ATP8B3: variants seen among roughly 807,000 people sequenced by gnomAD.
ATP8B3 encodes the protein ATPase phospholipid transporting 8B3.
ATP8B3 carries 141 observed loss-of-function variants against 140.9 expected under a neutral mutation model. The observed-to-expected ratio is 1.00, with a 90% confidence interval of 0.87 to 1.15. The LOEUF (loss-of-function observed/expected upper bound fraction) is 1.15, where lower values mean the gene tolerates loss of function less well. ATP8B3 is among the 50% of genes most tolerant of loss of function. ATP8B3 has a pLI of 0.00. For missense variants in ATP8B3, 1,874 were observed against 1,740.6 expected (o/e 1.08, Z -1.36); for synonymous variants, 765 against 714.6 (o/e 1.07, Z -1.13).
intron 10 of ATP8B3, among the ~76,000 whole-genome samples, chr19:1,803,083 A>C (rs1024838236): frequency 2.6e-5 from 4 of 152,150 alleles, no homozygotes; most frequent in Non-Finnish European, 5.9e-5. Context: ...ATGTGTCAAG[A>C]GGGAAGAGGA....
rs1413443156 is a variant in ATP8B3, at chr19:1,807,161, C to T, written c.615+7G>A. 2.5e-6 allele frequency: 4 copies of T among 1,610,768 alleles called. No individual in the cohort carries two copies. Among genetic ancestry groups the T allele is most frequent in the East Asian group, 2.2e-5 (1 of 44,830 alleles). On this transcript the variant is annotated splice_region_variant and intron_variant, in intron 6 of 28. Transcript: ENST00000310127. This position sits in a 1 kb window ranked among gnomAD's most constrained non-coding sequence, Gnocchi z 5.9. ...TCCCCCAGGCAGCTGCATCCAACAG[C>T]ACTCACCATGTCGTCCACCAGGTCC... is the stretch of plus-strand genomic sequence containing the variant.
chr19:1,792,167 T>C (rs776026091), intron 18 of ATP8B3, 32 bp from the exon 19 acceptor site: 1 of 1,539,460 alleles, frequency 6.5e-7, no homozygotes, highest in African/African-American at 1.4e-5. Context: ...GCTGTCACCA[T>C]GCTGAAGCCG....
rs1020188951 is a variant in ATP8B3, at chr19:1,807,545, C to T, written c.517-279G>A. 2.0e-5 allele frequency among the ~76,000 whole-genome samples: 3 copies of T among 152,206 alleles called. No individual in the cohort carries two copies. Among genetic ancestry groups the T allele is most frequent in the Non-Finnish European group, 2.9e-5 (2 of 68,034 alleles). ...ACGGTGCCTTCTCCAGGGAGCCTCC[C>T]CCAGCCCCAAGCTTGGCCGCCACTG... is the stretch of plus-strand genomic sequence containing the variant. On this transcript the variant is annotated intron_variant, in intron 5 of 28. Coordinates refer to ENST00000310127, the MANE Select transcript of ATP8B3 (RefSeq NM_138813.4). This position sits in a 1 kb window ranked among gnomAD's most constrained non-coding sequence, Gnocchi z 5.9.
rs1453309895 is a variant in ATP8B3, at chr19:1,811,793, G to T, written c.-57C>A. ...GAAGAGGGGTTTAGGCTGTGGGACG[G>T]GGGAGAGGTGGGGGAGACCCCCGTG... is the stretch of plus-strand genomic sequence containing the variant. On this transcript the variant is annotated 5_prime_UTR_variant, in exon 2 of 29. Coordinates refer to ENST00000310127, the MANE Select transcript of ATP8B3 (RefSeq NM_138813.4). 4.6e-6 allele frequency: 7 copies of T among 1,508,290 alleles called. No individual in the cohort carries two copies. The highest frequency in any genetic ancestry group is 4.1e-5 in the African/African-American group (3 of 72,558). The allele number at this position is 1,508,290 out of a possible 1,614,324, so 93.4% of individuals were successfully genotyped here.
chr19:1,791,754 C>T lies in ATP8B3; in HGVS notation c.2298G>A (p.Lys766=), dbSNP rs1385660986. 1 of 1,610,334 alleles carries T rather than the reference C, an allele frequency of 6.2e-7. No homozygotes were observed. The highest frequency in any genetic ancestry group is 1.7e-5 in the Admixed American group (1 of 60,012). Reference sequence around the variant, plus strand: ...CCGGAGCTGCCCGGGACTCACCCTGCTTGTCCCCGGTGAGCACCCATATTT... The same window carrying T: ...CCGGAGCTGCCCGGGACTCACCCTGTTTGTCCCCGGTGAGCACCCATATTT... ...NIKIWVLTGD[K]QETAVNIGFA... The change falls in exon 20 of 29, where the codon AAG becomes AAA. Residue 766 remains lysine, a synonymous_variant. Transcript: ENST00000310127.
chr19:1,801,674 C>T (rs912130022), intron 12 of ATP8B3, among the ~76,000 whole-genome samples: 2 of 152,118 alleles, frequency 1.3e-5, no homozygotes, highest in African/African-American at 4.8e-5. Flanking sequence ...CTTGCTTGAA[C>T]CCGGGAGGCA....
Position 1,805,775 on chromosome 19 carries a change from C to G in ATP8B3, c.821+113G>C, listed in dbSNP as rs773386718. On this transcript the variant is annotated intron_variant, in intron 9 of 28. Coordinates refer to ENST00000310127, the MANE Select transcript of ATP8B3 (RefSeq NM_138813.4). This position sits in a 1 kb window ranked among gnomAD's most constrained non-coding sequence, Gnocchi z 5.2. Reference sequence around the variant, plus strand: ...CCCCAGACACTCATGGGGTGAGTGACCAAAGTCTCTGAGCGACCTTGGCTG... The same window carrying G: ...CCCCAGACACTCATGGGGTGAGTGAGCAAAGTCTCTGAGCGACCTTGGCTG... 2 of 1,347,214 alleles carry G rather than the reference C, an allele frequency of 1.5e-6. No individual in the cohort carries two copies. Among genetic ancestry groups the G allele is most frequent in the Non-Finnish European group, 2.1e-6 (2 of 966,542 alleles). The allele number at this position is 1,347,214 out of a possible 1,614,324, so 83.5% of individuals were successfully genotyped here.
At position 1,811,611 on chromosome 19, in the gene ATP8B3, G is replaced by A; in HGVS notation, c.126C>T (p.Gly42=). 6.2e-7 allele frequency: 1 copy of A among 1,612,054 alleles called. No individual in the cohort carries two copies. Among genetic ancestry groups the A allele is most frequent in the Non-Finnish European group, 8.5e-7 (1 of 1,179,810 alleles). The change falls in exon 2 of 29, where the codon GGC becomes GGT. Residue 42 remains glycine, a synonymous_variant. Coordinates refer to ENST00000310127, the MANE Select transcript of ATP8B3 (RefSeq NM_138813.4). ...TGATCACCGTCTCACCTCCGCGGAT[G>A]CCAGCAGGACCTGAGCCTTCCTGAG... ...DVTQEGSGPA[G]IRGGETVIRA...
chr19:1,806,709 A>G lies in ATP8B3; in HGVS notation c.616-20T>C. The G allele has an allele frequency of 1.3e-6, 2 of 1,556,170 alleles. No individual in the cohort carries two copies. The highest frequency in any genetic ancestry group is 1.7e-6 in the Non-Finnish European group (2 of 1,150,318). ...TCTCCCCTGGGCCAGGAGGGAAAGGATCAGAGAGACCGTCCAGCCTCTCCT... is the reference window on the plus strand; with the variant it reads ...TCTCCCCTGGGCCAGGAGGGAAAGGGTCAGAGAGACCGTCCAGCCTCTCCT... On this transcript the variant is annotated intron_variant, in intron 6 of 28. Transcript: ENST00000310127. This position sits in a 1 kb window ranked among gnomAD's most constrained non-coding sequence, Gnocchi z 5.6.
rs183040287 is a variant in ATP8B3 at position 1,790,872 on chromosome 19, C to T, written c.2303-40G>A. On this transcript the variant is annotated intron_variant, in intron 20 of 28. Transcript: ENST00000310127. ...AGCTCAGCGCCTCTGCGACCCGCCC[C>T]GCACTGGCTGCCTGGGGGCCACGCC... The T allele has an allele frequency of 4.7e-4, 734 of 1,549,090 alleles. 5 individuals carry two copies. In the African/African-American group the frequency reaches 8.9e-3, roughly 19 times the overall value.
At position 1,787,762 on chromosome 19, in the gene ATP8B3, C is replaced by G. The variant is rs376282958; in HGVS notation, c.3070-576G>C. Reference sequence around the variant, plus strand: ...AAAAAAAAAAAAAAAAAAAAAAAAACGCTGGGTGCGATTGCTCATGCCTGT... The same window carrying G: ...AAAAAAAAAAAAAAAAAAAAAAAAAGGCTGGGTGCGATTGCTCATGCCTGT... On this transcript the variant is annotated intron_variant, in intron 24 of 28. Transcript: ENST00000310127. Among the ~76,000 whole-genome samples the G allele has an allele frequency of 7.4e-3, 816 of 109,962 alleles. 17 individuals carry two copies. The highest frequency in any genetic ancestry group is 0.027 in the African/African-American group (755 of 27,666). 72.1% of individuals were successfully genotyped at this position (109,962 alleles called of 152,430 possible). A position where few individuals can be genotyped will look rare whatever the true frequency, so the allele number is the denominator to read the frequency against.
Position 1,790,008 on chromosome 19 carries a change from A to T in ATP8B3, c.2379-19T>A. The T allele has an allele frequency of 2.7e-6, 4 of 1,458,124 alleles. No homozygotes were observed. The highest frequency in any genetic ancestry group is 3.8e-6 in the Non-Finnish European group (4 of 1,040,614). 90.3% of individuals were successfully genotyped at this position (1,458,124 alleles called of 1,614,324 possible). On this transcript the variant is annotated intron_variant, in intron 21 of 28. Coordinates refer to ENST00000310127, the MANE Select transcript of ATP8B3 (RefSeq NM_138813.4). ...GATGCGGCTGCGGGGCGCAGGGGTC[A>T]GCGGGGCAGGGGAGGGGGCGGGCTT...
intron 19 of ATP8B3, 21 bp from the exon 20 acceptor site, chr19:1,791,882 G>A (rs1422395436): frequency 6.2e-7 from 1 of 1,609,158 alleles, no homozygotes; most frequent in Admixed American, 1.7e-5. Context: ...AGGAGGGCAG[G>A]GCGGGGAAGA....
In ATP8B3 at chr19:1,812,237, C is replaced by A. The variant is rs549502722; in HGVS notation, c.-200G>T. The A allele has an allele frequency of 8.6e-3, 1,309 of 152,154 alleles. 63 individuals carry two copies. Among genetic ancestry groups the A allele is most frequent in the Admixed American group, 0.081 (1,235 of 15,244 alleles). The allele number at this position is 152,154 out of a possible 1,614,324, so 9.4% of individuals were successfully genotyped here. A position where few individuals can be genotyped will look rare whatever the true frequency, so the allele number is the denominator to read the frequency against. On this transcript the variant is annotated 5_prime_UTR_variant, in exon 1 of 29. Coordinates refer to ENST00000310127, the MANE Select transcript of ATP8B3 (RefSeq NM_138813.4). The stretch of plus-strand genomic sequence containing the variant: ...GGCCGCGGGCGTCCAGGGCGGCGGA[C>A]GTGGTGGAACCGTTAGCCCGGTGCC...
intron 12 of ATP8B3, among the ~76,000 whole-genome samples, chr19:1,801,634 C>T (rs1210802957): frequency 6.6e-6 from 1 of 152,096 alleles, no homozygotes; most frequent in Non-Finnish European, 1.5e-5. Context: ...CACCTATAGT[C>T]CCAGCTACTC....
rs764729371 is a variant in ATP8B3 at position 1,811,767 on chromosome 19, C to A, written c.-31G>T. The A allele has an allele frequency of 4.5e-6, 7 of 1,553,326 alleles. No individual in the cohort carries two copies. In the South Asian group the frequency reaches 6.0e-5, roughly 13 times the overall value. On this transcript the variant is annotated 5_prime_UTR_variant, in exon 2 of 29. Coordinates refer to ENST00000310127, the MANE Select transcript of ATP8B3 (RefSeq NM_138813.4). ...GCATGAGGAAAAGGGAGGTTCAGGG[C>A]GAAGAGGGGTTTAGGCTGTGGGACG...
In ATP8B3 at chr19:1,808,205, G is replaced by T; in HGVS notation, c.516+17C>A. 6.3e-7 allele frequency: 1 copy of T among 1,590,514 alleles called. No homozygotes were observed. The highest frequency in any genetic ancestry group is 8.6e-7 in the Non-Finnish European group (1 of 1,161,622). On this transcript the variant is annotated intron_variant, in intron 5 of 28. Coordinates refer to ENST00000310127, the MANE Select transcript of ATP8B3 (RefSeq NM_138813.4). ...GGTGGCTAGGGGGGACTTCCTGGAGGAGGCAACACGCCTCACCTGCAGGAT... is the reference window on the plus strand; with the variant it reads ...GGTGGCTAGGGGGGACTTCCTGGAGTAGGCAACACGCCTCACCTGCAGGAT...
rs549976124 is a variant in ATP8B3 at position 1,804,503 on chromosome 19, A to G, written c.904+871T>C. 1.0e-3 allele frequency among the ~76,000 whole-genome samples: 157 copies of G among 152,114 alleles called. 1 individual carries two copies. Among genetic ancestry groups the G allele is most frequent in the African/African-American group, 3.5e-3 (147 of 41,482 alleles). ...GGCGCCTGTAGTCCCAGCTACTCGGAAGGCTGAGGCAGGAGAATGGCGTGA... is the reference window on the plus strand; with the variant it reads ...GGCGCCTGTAGTCCCAGCTACTCGGGAGGCTGAGGCAGGAGAATGGCGTGA... On this transcript the variant is annotated intron_variant, in intron 10 of 28. Coordinates refer to ENST00000310127, the MANE Select transcript of ATP8B3 (RefSeq NM_138813.4).
chr19:1,797,952 A>G (rs1358199118), intron 14 of ATP8B3, among the ~76,000 whole-genome samples: 6 of 151,806 alleles, frequency 4.0e-5, no homozygotes, highest in Non-Finnish European at 8.8e-5. Context: ...CAACAGGTGC[A>G]TGCCACCCCT....
Sources: allele counts gnomAD v4.1 joint callset (sites outside exome capture counted in the v4.1 genomes callset), GRCh38; gene constraint gnomAD v4.1.1; non-coding constraint Gnocchi (gnomAD v3.1); transcripts MANE v1.5; gene names NCBI Gene and HGNC (gene_info 2026-07-23, HGNC 2026-07-21).